CRPPA: variants seen among roughly 807,000 people sequenced by gnomAD.
The protein encoded by CRPPA is CDP-L-ribitol pyrophosphorylase A.
CRPPA carries 43 observed loss-of-function variants against 52.0 expected under a neutral mutation model. The observed-to-expected ratio is 0.83, with a 90% confidence interval of 0.65 to 1.07. The LOEUF (loss-of-function observed/expected upper bound fraction) is 1.07. Ranked by LOEUF, CRPPA falls within the 50% of genes least tolerant of loss-of-function variation. The pLI is 0.00. For synonymous variants in CRPPA, 250 were observed against 203.5 expected (o/e 1.23, Z -1.94); for missense variants, 629 against 551.7 (o/e 1.14, Z -1.40).
intron 2 of CRPPA, among the ~76,000 whole-genome samples, chr7:16,386,221 C>T (rs116778792): frequency 1.6e-3 from 245 of 152,284 alleles, no homozygotes; most frequent in African/African-American, 5.8e-3. Context: ...AATCTTCTCT[C>T]TGACCACCCC....
intron 9 of CRPPA, among the ~76,000 whole-genome samples, chr7:16,189,951 A>G (rs1204114560): frequency 6.6e-6 from 1 of 152,114 alleles, no homozygotes; most frequent in Non-Finnish European, 1.5e-5. Flanking sequence ...CTTAACAAGT[A>G]TTTATCTCAG....
intron 2 of CRPPA, among the ~76,000 whole-genome samples, chr7:16,395,690 A>G (rs568625733): frequency 1.9e-4 from 29 of 152,350 alleles, no homozygotes; most frequent in African/African-American, 6.3e-4. Context: ...AGAGGCCTTC[A>G]TTTTACATTC....
intron 8 of CRPPA, among the ~76,000 whole-genome samples, chr7:16,217,813 G>C (rs1413584663): frequency 2.6e-5 from 4 of 151,640 alleles, no homozygotes; most frequent in South Asian, 2.1e-4. Flanking sequence ...ATCTACGTCT[G>C]ATTGGTGTAC....
intron 6 of CRPPA, among the ~76,000 whole-genome samples, chr7:16,259,652 A>AATT (rs1315792319): frequency 1.3e-5 from 2 of 152,098 alleles, no homozygotes; most frequent in East Asian, 3.9e-4. Flanking sequence ...AGCTTCTTTT[A>AATT]AGATTTTTCT....
At chr7:16,169,295 A>G (rs1485412217) in intron 9 of CRPPA, among the ~76,000 whole-genome samples, 2 of 152,214 alleles carry the variant, frequency 1.3e-5, no homozygotes, top group African/African-American at 4.8e-5. Flanking sequence ...AATGGAAATT[A>G]AGAACAAGAA....
intron 3 of CRPPA, among the ~76,000 whole-genome samples, chr7:16,349,112 T>G (rs919479291): frequency 6.6e-6 from 1 of 152,176 alleles, no homozygotes; most frequent in African/African-American, 2.4e-5. Flanking sequence ...AGCTTCATCA[T>G]GAAAATAGAA....
intron 9 of CRPPA, among the ~76,000 whole-genome samples, chr7:16,163,335 C>T (rs1375720569): frequency 1.3e-5 from 2 of 151,702 alleles, no homozygotes; most frequent in Admixed American, 6.6e-5. Flanking sequence ...AGGATTGCAA[C>T]CCCTGCTTTT....
intron 3 of CRPPA, among the ~76,000 whole-genome samples, chr7:16,366,608 A>T (rs1786595725): frequency 6.6e-6 from 1 of 152,148 alleles, no homozygotes; most frequent in Non-Finnish European, 1.5e-5. Context: ...CTAATGGTTG[A>T]GAATGAAATT....
chr7:16,303,477 T>TAAAAAAAAAAAAAAAAAAAAAAAAAA lies in CRPPA; in HGVS notation c.790-2037_790-2012dup, dbSNP rs545663821. Among the ~76,000 whole-genome samples the TAAAAAAAAAAAAAAAAAAAAAAAAAA allele has an allele frequency of 7.1e-4, 32 of 44,974 alleles. 5 individuals are homozygous for TAAAAAAAAAAAAAAAAAAAAAAAAAA. Among genetic ancestry groups the TAAAAAAAAAAAAAAAAAAAAAAAAAA allele is most frequent in the Non-Finnish European group, 8.4e-4 (21 of 25,106 alleles). The allele number at this position is 44,974 out of a possible 152,430, so 29.5% of individuals were successfully genotyped here. On this transcript the variant is annotated intron_variant, in intron 4 of 9. Transcript: ENST00000407010. Reference sequence around the variant, plus strand: ...GTTTCTGTGTTGAGACATAAAATAGTAAAAAAAAAAAAAAAAAAAAAAAAA... The same window carrying TAAAAAAAAAAAAAAAAAAAAAAAAAA: ...GTTTCTGTGTTGAGACATAAAATAGTAAAAAAAAAAAAAAAAAAAAAAAAAAAAAAAAAAAAAAAAAAAAAAAAAAA...
rs1781825112 is a variant in CRPPA, at chr7:16,090,943, T to C, written c.*752A>G. 6.6e-6 allele frequency: 1 copy of C among 152,212 alleles called. No homozygotes were observed. The highest frequency in any genetic ancestry group is 1.5e-5 in the Non-Finnish European group (1 of 68,044). 9.4% of individuals were successfully genotyped at this position (152,212 alleles called of 1,614,324 possible). On this transcript the variant is annotated 3_prime_UTR_variant, in exon 10 of 10. Transcript: ENST00000407010. ...ATGATGTACAATAGATTCTCTACCT[T>C]ATAGAAGATAACTAACCAGGGATTG...
At chr7:16,092,688 A>C (rs75820220) in intron 9 of CRPPA, among the ~76,000 whole-genome samples, 5,736 of 152,248 alleles carry the variant, frequency 0.038, 353 homozygotes, top group African/African-American at 0.13. Context: ...AGGGAAGTCA[A>C]AATACTTATT....
intron 3 of CRPPA, among the ~76,000 whole-genome samples, chr7:16,311,792 C>T (rs1785040003): frequency 6.6e-6 from 1 of 152,052 alleles, no homozygotes; most frequent in Non-Finnish European, 1.5e-5. Context: ...ATGGTTGTGA[C>T]AGGTTGAAAG....
chr7:16,318,419 C>T lies in CRPPA; in HGVS notation c.685-9792G>A, dbSNP rs955426034. On this transcript the variant is annotated intron_variant, in intron 3 of 9. Transcript: ENST00000407010. ...AAAAAAGTCCAACCCACTCCCTTCA[C>T]TCCACTTTGTCCTCCCTGTAGGCAA... 4.3e-4 allele frequency among the ~76,000 whole-genome samples: 66 copies of T among 152,302 alleles called. 1 individual carries two copies. Among genetic ancestry groups the T allele is most frequent in the African/African-American group, 1.5e-3 (64 of 41,580 alleles).
chr7:16,178,085 G>T (rs569202749), intron 9 of CRPPA, among the ~76,000 whole-genome samples: 45 of 151,742 alleles, frequency 3.0e-4, no homozygotes, highest in African/African-American at 1.1e-3. Context: ...GAGAAAAATG[G>T]AAAGTTTGAC....
intron 9 of CRPPA, among the ~76,000 whole-genome samples, chr7:16,191,246 G>A (rs1334214140): frequency 6.6e-6 from 1 of 152,032 alleles, no homozygotes; most frequent in Non-Finnish European, 1.5e-5. Context: ...TGCCGAGTAT[G>A]TTCTAGAATG....
chr7:16,088,920 C>T lies in CRPPA; in HGVS notation c.*2775G>A, dbSNP rs867638571. ...TTCAGTGCCTCTGGCTTATATATCA[C>T]GTCTTATATATCAGACGTGGCTTAT... On this transcript the variant is annotated 3_prime_UTR_variant, in exon 10 of 10. Transcript: ENST00000407010. 4.1e-5 allele frequency: 8 copies of T among 193,780 alleles called. No homozygotes were observed. Among genetic ancestry groups the T allele is most frequent in the Middle Eastern group, 2.8e-3 (1 of 356 alleles). The allele number at this position is 193,780 out of a possible 1,614,324, so 12.0% of individuals were successfully genotyped here.
intron 9 of CRPPA, among the ~76,000 whole-genome samples, chr7:16,185,201 G>A (rs1405196914): frequency 6.6e-6 from 1 of 152,180 alleles, no homozygotes; most frequent in Non-Finnish European, 1.5e-5. Context: ...TGAAAGGCGT[G>A]TCACACATGG....
intron 2 of CRPPA, among the ~76,000 whole-genome samples, chr7:16,401,983 G>A (rs1562685337): frequency 6.6e-6 from 1 of 152,192 alleles, no homozygotes; most frequent in Non-Finnish European, 1.5e-5. Context: ...TAAGATGGCA[G>A]AGATGCTTTC....
chr7:16,232,912 C>T (rs954210833), intron 8 of CRPPA, among the ~76,000 whole-genome samples: 1 of 151,950 alleles, frequency 6.6e-6, no homozygotes, highest in African/African-American at 2.4e-5. Flanking sequence ...AATATTAGAA[C>T]TAAGAACATT....
Sources: allele counts gnomAD v4.1 joint callset (sites outside exome capture counted in the v4.1 genomes callset), GRCh38; gene constraint gnomAD v4.1.1; transcripts MANE v1.5; gene names NCBI Gene and HGNC (gene_info 2026-07-23, HGNC 2026-07-21).